METTL16: variants seen among roughly 807,000 people sequenced by gnomAD.
METTL16 encodes the protein methyltransferase 16, RNA N6-adenosine.
A neutral mutation model predicts 57.9 loss-of-function variants in METTL16; 19 were observed. That is an observed-to-expected ratio of 0.33 (90% CI 0.23 to 0.48). The LOEUF (loss-of-function observed/expected upper bound fraction) is 0.48, where lower values mean the gene tolerates loss of function less well. Ranked by LOEUF, METTL16 falls within the 20% of genes least tolerant of loss-of-function variation. The pLI is 0.99. For synonymous variants in METTL16, 246 were observed against 255.6 expected, an observed-to-expected ratio of 0.96 and a Z score of 0.36; for missense variants, 434 against 691.5, an observed-to-expected ratio of 0.63 and a Z score of 4.18.
At chr17:2,489,460 G>A (rs2067367536) in intron 2 of METTL16, among the ~76,000 whole-genome samples, 1 of 152,152 alleles carries the variant, frequency 6.6e-6, no homozygotes, top group African/African-American at 2.4e-5. Flanking sequence ...TTTGAGAGCA[G>A]CCTGGCCAAC....
At chr17:2,479,170 T>TTGTTC (rs2067286651) in intron 2 of METTL16, among the ~76,000 whole-genome samples, 1 of 151,984 alleles carries the variant, frequency 6.6e-6, no homozygotes, top group Admixed American at 6.6e-5. Context: ...GGGTTTTGTT[T>TTGTTC]TGTTTTGTTT....
intron 2 of METTL16, among the ~76,000 whole-genome samples, chr17:2,492,511 C>T (rs1313324271): frequency 2.0e-5 from 3 of 152,156 alleles, no homozygotes; most frequent in African/African-American, 4.8e-5. Flanking sequence ...TTCTACACAA[C>T]TGCTAACCTT....
At chr17:2,496,256 T>C (rs192337503) in intron 2 of METTL16, among the ~76,000 whole-genome samples, 17 of 151,856 alleles carry the variant, frequency 1.1e-4, no homozygotes, top group East Asian at 7.7e-4. Context: ...TGTATATTTC[T>C]GTCTACTTAG....
intron 1 of METTL16, among the ~76,000 whole-genome samples, chr17:2,508,410 A>C (rs2067563526): frequency 6.6e-6 from 1 of 152,110 alleles, no homozygotes; most frequent in Non-Finnish European, 1.5e-5. Flanking sequence ...AATCACTTCT[A>C]CCCACCCCAA....
At chr17:2,467,944 T>C (rs1162069922) in intron 4 of METTL16, 68 bp from the exon 5 acceptor site, 3 of 1,040,338 alleles carry the variant, frequency 2.9e-6, no homozygotes, top group African/African-American at 1.6e-5. Context: ...AACCGCGCAC[T>C]GCGTAATGAT....
rs990588171 is a variant in METTL16 at position 2,476,730 on chromosome 17, C to T, written c.328+956G>A. Among the ~76,000 whole-genome samples the T allele has an allele frequency of 3.3e-4, 49 of 150,388 alleles. 1 individual carries two copies. Among genetic ancestry groups the T allele is most frequent in the Non-Finnish European group, 6.1e-4 (41 of 67,474 alleles). ...CAGCACTTTGGGAGGACGAGGCAGG[C>T]GGATCACCTGACGTCAGGAGTTTGA... On this transcript the variant is annotated intron_variant, in intron 3 of 9. Coordinates refer to ENST00000263092, the MANE Select transcript of METTL16 (RefSeq NM_024086.4).
intron 5 of METTL16, 102 bp downstream of exon 5, chr17:2,467,659 T>A: frequency 1.3e-6 from 1 of 790,286 alleles, no homozygotes; most frequent in Non-Finnish European, 2.2e-6. Flanking sequence ...AACTCCTGAC[T>A]TCATGATTCA....
intron 2 of METTL16, among the ~76,000 whole-genome samples, chr17:2,478,974 T>A (rs1294287446): frequency 6.6e-6 from 1 of 152,170 alleles, no homozygotes; most frequent in African/African-American, 2.4e-5. Context: ...TGTGTGGACA[T>A]ACGTTTTCGC....
At chr17:2,447,573 A>G (rs1597448092) in intron 6 of METTL16, among the ~76,000 whole-genome samples, 1 of 93,952 alleles carries the variant, frequency 1.1e-5, no homozygotes, top group Non-Finnish European at 2.0e-5. Context: ...TCCAGGAGGG[A>G]GGTGGGGGGG....
Position 2,416,469 on chromosome 17 carries a change from A to C in METTL16, c.*3501T>G, listed in dbSNP as rs538734993. The C allele has an allele frequency of 6.6e-6, 1 of 152,080 alleles. No individual in the cohort carries two copies. The highest frequency in any genetic ancestry group is 1.9e-4 in the East Asian group (1 of 5,168). 9.4% of individuals were successfully genotyped at this position (152,080 alleles called of 1,614,324 possible). On this transcript the variant is annotated 3_prime_UTR_variant, in exon 10 of 10. Transcript: ENST00000263092. ...TTTTATAAAAAATATATACTAAAGT[A>C]ATCTACACGAAGCTTAGGATGAGTT...
At chr17:2,471,865 A>G (rs2067237493) in intron 4 of METTL16, among the ~76,000 whole-genome samples, 1 of 152,082 alleles carries the variant, frequency 6.6e-6, no homozygotes, top group Non-Finnish European at 1.5e-5. Context: ...TATCATTCCA[A>G]CGTTCTAGGA....
chr17:2,457,869 T>C (rs2067122788), intron 6 of METTL16, among the ~76,000 whole-genome samples: 1 of 152,100 alleles, frequency 6.6e-6, no homozygotes, highest in Non-Finnish European at 1.5e-5. Context: ...AGAATCACAT[T>C]CAAAAGGCCC....
rs2044170 is a variant in METTL16, at chr17:2,491,671, G to T, written c.128+10533C>A. On this transcript the variant is annotated intron_variant, in intron 2 of 9. Coordinates refer to ENST00000263092, the MANE Select transcript of METTL16 (RefSeq NM_024086.4). ...CGGGTGAATCACGAGGTCAGGAGAT[G>T]GAGACCATCCTGGCTAACACGGTGA... is the stretch of plus-strand genomic sequence containing the variant. Among the ~76,000 whole-genome samples, 148 of 151,902 alleles carry T rather than the reference G, an allele frequency of 9.7e-4. 1 individual carries two copies. In the East Asian group the frequency reaches 0.011, roughly 12 times the overall value.
chr17:2,430,302 G>A (rs1453784938), intron 8 of METTL16, among the ~76,000 whole-genome samples: 4 of 150,964 alleles, frequency 2.6e-5, no homozygotes, highest in East Asian at 1.9e-4. Flanking sequence ...TAGAGACAGC[G>A]CTGCTGTACC....
At chr17:2,460,533 T>C (rs1335883883) in intron 6 of METTL16, among the ~76,000 whole-genome samples, 1 of 152,200 alleles carries the variant, frequency 6.6e-6, no homozygotes, top group African/African-American at 2.4e-5. Context: ...ATTATTATTG[T>C]AGCCTAGTAG....
intron 4 of METTL16, among the ~76,000 whole-genome samples, chr17:2,469,102 T>G (rs2067220733): frequency 1.3e-5 from 2 of 151,956 alleles, no homozygotes; most frequent in Non-Finnish European, 2.9e-5. Context: ...ACGGGTGTGG[T>G]GGTGGGCACC....
At chr17:2,470,993 C>A (rs1284214809) in intron 4 of METTL16, among the ~76,000 whole-genome samples, 2 of 152,124 alleles carry the variant, frequency 1.3e-5, no homozygotes, top group Non-Finnish European at 2.9e-5. Flanking sequence ...GTAATCAAAA[C>A]AGTATGTTTT....
At chr17:2,505,141 T>A (rs1240774528) in intron 1 of METTL16, among the ~76,000 whole-genome samples, 2 of 152,052 alleles carry the variant, frequency 1.3e-5, no homozygotes, top group African/African-American at 4.8e-5. Flanking sequence ...GTTGGTAATT[T>A]AAAAAATATT....
intron 5 of METTL16, among the ~76,000 whole-genome samples, chr17:2,465,112 T>C (rs2067182172): frequency 6.6e-6 from 1 of 152,076 alleles, no homozygotes; most frequent in Non-Finnish European, 1.5e-5. Context: ...AAGATATGAA[T>C]AAGCATTTCT....
Sources: allele counts gnomAD v4.1 joint callset (sites outside exome capture counted in the v4.1 genomes callset), GRCh38; gene constraint gnomAD v4.1.1; transcripts MANE v1.5; gene names NCBI Gene and HGNC (gene_info 2026-07-23, HGNC 2026-07-21).